Variants in USP30 observed in about 807,000 individuals in gnomAD.
USP30 encodes ubiquitin specific peptidase 30.
Under a neutral mutation model 68.2 loss-of-function variants are expected in USP30, and 41 were observed. The ratio of observed to expected loss-of-function variants is 0.60; its 90% confidence interval spans 0.47 to 0.78. The LOEUF is 0.78. Among genes scored for constraint, USP30 ranks in the 30% least tolerant of loss-of-function variants. The pLI is 0.00. For missense variants in USP30, 522 were observed against 649.4 expected (o/e 0.80, Z 2.13); for synonymous variants, 229 against 253.7 (o/e 0.90, Z 0.93).
At chr12:109,027,903 T>G (rs1428235363) in intron 3 of USP30, among the ~76,000 whole-genome samples, 1 of 152,150 alleles carries the variant, frequency 6.6e-6, no homozygotes, top group African/African-American at 2.4e-5. Flanking sequence ...TTCTTATGAG[T>G]ATATAAATAG....
chr12:109,066,130 T>C (rs1278919376), intron 3 of USP30, among the ~76,000 whole-genome samples: 1 of 151,596 alleles, frequency 6.6e-6, no homozygotes, highest in East Asian at 1.9e-4. Context: ...CATGTGCCTG[T>C]AGTCCCAGCT....
In USP30 at chr12:109,086,154, G is replaced by T; in HGVS notation, c.*223G>T. On this transcript the variant is annotated 3_prime_UTR_variant, in exon 13 of 13. Transcript: ENST00000257548. The stretch of plus-strand genomic sequence containing the variant: ...TAGGTGGTTCTGTTGTGTTAAGAAA[G>T]CATTCATTATGTCCGGAGTGTCTTT... 1.8e-6 allele frequency: 1 copy of T among 561,348 alleles called. No homozygotes were observed. The highest frequency in any genetic ancestry group is 3.0e-6 in the Non-Finnish European group (1 of 329,558). 34.8% of individuals were successfully genotyped at this position (561,348 alleles called of 1,614,324 possible). A position where few individuals can be genotyped will look rare whatever the true frequency, so the allele number is the denominator to read the frequency against.
At chr12:109,080,115 CT>C (rs1458655943) in intron 7 of USP30, among the ~76,000 whole-genome samples, 1 of 152,186 alleles carries the variant, frequency 6.6e-6, no homozygotes. Context: ...GAGTTTCCCC[CT>C]GTGCACGTGT....
intron 3 of USP30, among the ~76,000 whole-genome samples, chr12:109,045,498 C>T (rs1432044249): frequency 6.6e-6 from 1 of 152,104 alleles, no homozygotes; most frequent in African/African-American, 2.4e-5. Flanking sequence ...GCAGAATTGT[C>T]CAGCTTAAGA....
rs190678246 is a variant in USP30, at chr12:109,070,450, G to A, written c.481-1162G>A. On this transcript the variant is annotated intron_variant, in intron 4 of 12. Coordinates refer to ENST00000257548, the MANE Select transcript of USP30 (RefSeq NM_032663.5). The surrounding 1 kb of genome is among the most constrained non-coding windows in gnomAD (Gnocchi z 4.0). The stretch of plus-strand genomic sequence containing the variant: ...GAAGGTCTGAGCACAGCCCGAAATG[G>A]GAATAAGCTGGATATGTTCAAGGAA... 3.4e-4 allele frequency among the ~76,000 whole-genome samples: 51 copies of A among 152,170 alleles called. No individual in the cohort carries two copies. Among genetic ancestry groups the A allele is most frequent in the Non-Finnish European group, 6.9e-4 (47 of 68,036 alleles).
At position 109,057,957 on chromosome 12, in the gene USP30, C is replaced by T; in HGVS notation, c.225C>T (p.Asn75=). The part of the protein sequence containing the change: ...GLVPGLVNLG[N]TCFMNSLLQG... ...TGCCTGGCCTTGTTAATTTAGGGAA[C>T]ACCTGCTTCATGAACTCCCTGCTAC... Residue 75 remains asparagine, a synonymous_variant, in exon 3 of 13, where the codon AAC becomes AAT. Transcript: ENST00000257548. 6.2e-7 allele frequency: 1 copy of T among 1,613,828 alleles called. No homozygotes were observed. The highest frequency in any genetic ancestry group is 1.3e-5 in the African/African-American group (1 of 75,026).
At chr12:109,028,802 G>A (rs562382615) in intron 3 of USP30, among the ~76,000 whole-genome samples, 236 of 152,120 alleles carry the variant, frequency 1.6e-3, no homozygotes, top group Non-Finnish European at 2.8e-3. Flanking sequence ...ACAATCAGAT[G>A]TCTTGTGAAC....
At chr12:109,059,912 A>G (rs2041009695) in intron 3 of USP30, 1 of 152,254 alleles carries the variant, frequency 6.6e-6, no homozygotes, top group African/African-American at 2.4e-5. Flanking sequence ...ATGTATGCAC[A>G]AAGATCTCCA....
At chr12:109,060,937 T>C (rs2041046201) in intron 3 of USP30, among the ~76,000 whole-genome samples, 1 of 152,094 alleles carries the variant, frequency 6.6e-6, no homozygotes, top group African/African-American at 2.4e-5. Context: ...TGAGCTACCA[T>C]GCTTGGCCTT....
upstream of USP30, among the ~76,000 whole-genome samples, chr12:109,050,086 G>A (rs956661117): frequency 6.6e-6 from 1 of 152,194 alleles, no homozygotes; most frequent in African/African-American, 2.4e-5. Context: ...ACAAGGTCAG[G>A]AGTTCAAGAG....
Position 109,057,915 on chromosome 12 carries a change from T to A in USP30, c.194-11T>A. 6.5e-7 allele frequency: 1 copy of A among 1,527,164 alleles called. No homozygotes were observed. Among genetic ancestry groups the A allele is most frequent in the Non-Finnish European group, 8.9e-7 (1 of 1,124,290 alleles). The allele number at this position is 1,527,164 out of a possible 1,614,324, so 94.6% of individuals were successfully genotyped here. ...TATACTGTTCTCTTCTTCCCCCTGC[T>A]TTTTTTTTAGGGCTTGTGCCTGGCC... On this transcript the variant is annotated splice_polypyrimidine_tract_variant and intron_variant, in intron 2 of 12. Transcript: ENST00000257548.
chr12:109,041,430 T>C (rs1348049972), intron 3 of USP30, among the ~76,000 whole-genome samples: 2 of 151,522 alleles, frequency 1.3e-5, no homozygotes, highest in African/African-American at 4.9e-5. Flanking sequence ...AGCTCAGGAG[T>C]TTGAGACCAG....
Position 109,087,401 on chromosome 12 carries a change from G to C in USP30, c.*1470G>C, listed in dbSNP as rs1334704667. ...AAGCCCAGGTGATCACTCTTCTGCT[G>C]GGCCCAGGCTGCACCCTGAGGACTC... is the stretch of plus-strand genomic sequence containing the variant. On this transcript the variant is annotated 3_prime_UTR_variant, in exon 13 of 13. Transcript: ENST00000257548. 6.6e-6 allele frequency: 1 copy of C among 152,124 alleles called. No homozygotes were observed. The highest frequency in any genetic ancestry group is 2.4e-5 in the African/African-American group (1 of 41,418). The allele number at this position is 152,124 out of a possible 1,614,324, so 9.4% of individuals were successfully genotyped here. A position where few individuals can be genotyped will look rare whatever the true frequency, so the allele number is the denominator to read the frequency against.
intron 3 of USP30, among the ~76,000 whole-genome samples, chr12:109,038,741 T>G (rs1428055506): frequency 6.6e-6 from 1 of 152,224 alleles, no homozygotes; most frequent in Non-Finnish European, 1.5e-5. Context: ...TAGCAACGTA[T>G]GATATCCAGT....
chr12:109,072,281 GT>G (rs111762860), intron 5 of USP30, 23 bp from the exon 6 acceptor site: 11,121 of 1,282,954 alleles, frequency 8.7e-3, no homozygotes, highest in Admixed American at 0.011. Context: ...TTTTCAGTCT[GT>G]TTTTTTTTTT....
At position 109,052,669 on chromosome 12, in the gene USP30, T is replaced by A; in HGVS notation, c.-10T>A. 1 of 1,503,354 alleles carries A rather than the reference T, an allele frequency of 6.7e-7. No individual in the cohort carries two copies. Among genetic ancestry groups the A allele is most frequent in the Non-Finnish European group, 8.8e-7 (1 of 1,132,100 alleles). The allele number at this position is 1,503,354 out of a possible 1,614,324, so 93.1% of individuals were successfully genotyped here. ...GGAGGAGACGGTTTCAGGCCTCCGG[T>A]GCGGCTGCAATGCTGAGCTCCCGGG... On this transcript the variant is annotated 5_prime_UTR_variant, in exon 1 of 13. Transcript: ENST00000257548.
chr12:109,032,125 T>G (rs1593220014), intron 3 of USP30, among the ~76,000 whole-genome samples: 1 of 145,948 alleles, frequency 6.9e-6, no homozygotes. Context: ...ACGGGCAACA[T>G]GGTGAAACCC....
Position 109,080,953 on chromosome 12 carries a change from C to T in USP30, c.721-381C>T, listed in dbSNP as rs761088154. Among the ~76,000 whole-genome samples, 153 of 152,210 alleles carry T rather than the reference C, an allele frequency of 1.0e-3. 1 individual carries two copies. Among genetic ancestry groups the T allele is most frequent in the Non-Finnish European group, 1.8e-3 (123 of 68,040 alleles). ...CGATGTTTACACAATGATGACATCA[C>T]CTAAGGATGCATTTCTCAGACTGTA... On this transcript the variant is annotated intron_variant, in intron 7 of 12. Transcript: ENST00000257548.
At chr12:109,050,219 G>A (rs1237360368), upstream of USP30, among the ~76,000 whole-genome samples, 3 of 151,730 alleles carry the variant, frequency 2.0e-5, no homozygotes, top group Non-Finnish European at 4.4e-5. Context: ...ACTTGAACCC[G>A]GGAGGCGGAG....
Sources: allele counts gnomAD v4.1 joint callset (sites outside exome capture counted in the v4.1 genomes callset), GRCh38; gene constraint gnomAD v4.1.1; non-coding constraint Gnocchi (gnomAD v3.1); transcripts MANE v1.5; gene names NCBI Gene and HGNC (gene_info 2026-07-23, HGNC 2026-07-21).